Variants in DLG2 observed in about 807,000 individuals in gnomAD.
DLG2 encodes the protein disks large homolog 2.
Under a neutral mutation model 132.5 loss-of-function variants are expected in DLG2, and 45 were observed. The observed-to-expected ratio is 0.34, with a 90% CI of 0.27 to 0.44. DLG2 has a LOEUF of 0.44. Ranked by LOEUF, DLG2 falls within the 20% of genes least tolerant of loss-of-function variation. DLG2 has a pLI of 1.00. For missense variants in DLG2, 1,045 were observed against 1,196.9 expected, an observed-to-expected ratio of 0.87 and a Z score of 1.87; for synonymous variants, 424 against 419.6, an observed-to-expected ratio of 1.01 and a Z score of -0.13.
chr11:85,350,978 G>A (rs1212474863), intron 3 of DLG2, among the ~76,000 whole-genome samples: 1 of 152,130 alleles, frequency 6.6e-6, no homozygotes, highest in Non-Finnish European at 1.5e-5. Flanking sequence ...GGATGGCATT[G>A]AATCTGTAAA....
intron 6 of DLG2, among the ~76,000 whole-genome samples, chr11:84,856,545 A>G (rs2082813722): frequency 6.6e-6 from 1 of 152,112 alleles, no homozygotes; most frequent in Non-Finnish European, 1.5e-5. Flanking sequence ...CCTTGAATAT[A>G]TTCACTTATT....
intron 6 of DLG2, among the ~76,000 whole-genome samples, chr11:84,667,198 C>T (rs140459808): frequency 2.6e-5 from 4 of 152,160 alleles, no homozygotes; most frequent in Admixed American, 6.5e-5. Flanking sequence ...TAACACCATT[C>T]GCACCGGGCA....
chr11:84,829,512 T>A (rs1351235900), intron 6 of DLG2, among the ~76,000 whole-genome samples: 1 of 151,758 alleles, frequency 6.6e-6, no homozygotes, highest in Non-Finnish European at 1.5e-5. Flanking sequence ...TTTACATTAT[T>A]CTTAGATATG....
intron 4 of DLG2, among the ~76,000 whole-genome samples, chr11:85,260,146 G>A (rs911983916): frequency 7.9e-5 from 12 of 152,046 alleles, no homozygotes; most frequent in African/African-American, 2.7e-4. Context: ...TAAAAAGGGG[G>A]ATAAAGATAA....
intron 3 of DLG2, among the ~76,000 whole-genome samples, chr11:85,344,317 A>G (rs1392126294): frequency 1.3e-5 from 2 of 152,162 alleles, no homozygotes; most frequent in East Asian, 3.9e-4. Context: ...AGACTTTCTC[A>G]GGTGACTCAT....
chr11:83,917,306 A>T (rs2077070185), intron 15 of DLG2, among the ~76,000 whole-genome samples: 1 of 152,168 alleles, frequency 6.6e-6, no homozygotes, highest in African/African-American at 2.4e-5. Context: ...TTACAGAGTC[A>T]ATCAGAGTGG....
intron 6 of DLG2, among the ~76,000 whole-genome samples, chr11:85,002,177 C>T (rs1021902178): frequency 6.6e-6 from 1 of 151,972 alleles, no homozygotes; most frequent in Non-Finnish European, 1.5e-5. Flanking sequence ...TTTTCTCAAA[C>T]CCCCAAATAC....
intron 6 of DLG2, among the ~76,000 whole-genome samples, chr11:84,729,520 A>C (rs2062897704): frequency 6.6e-6 from 1 of 152,062 alleles, no homozygotes; most frequent in African/African-American, 2.4e-5. Context: ...TTTTAGAATA[A>C]GTGTAATGAG....
rs76219702 is a variant in DLG2, at chr11:84,044,111, G to A, written c.919+15204C>T. 4.4e-3 allele frequency among the ~76,000 whole-genome samples: 669 copies of A among 151,760 alleles called. 2 individuals carry two copies. Among genetic ancestry groups the A allele is most frequent in the African/African-American group, 0.016 (647 of 41,444 alleles). On this transcript the variant is annotated intron_variant, in intron 11 of 27. Coordinates refer to ENST00000376104, the MANE Select transcript of DLG2 (RefSeq NM_001142699.3). ...ATGAGCTCTGGAGCCAGACACCAGT[G>A]ATTTGTGTCCTGGCTCTGTCATCAT...
intron 3 of DLG2, among the ~76,000 whole-genome samples, chr11:85,466,965 T>C (rs1198649062): frequency 6.6e-6 from 1 of 152,200 alleles, no homozygotes; most frequent in Admixed American, 6.5e-5. Context: ...TTCCATTTGT[T>C]TGTATCCTCT....
intron 13 of DLG2, 54 bp from the exon 14 acceptor site, chr11:83,963,077 T>C: frequency 6.4e-7 from 1 of 1,569,040 alleles, no homozygotes; most frequent in South Asian, 1.1e-5. Context: ...TGATTCAATG[T>C]GTCATGCTAT....
intron 9 of DLG2, among the ~76,000 whole-genome samples, chr11:84,107,278 T>C (rs2093032090): frequency 6.6e-6 from 1 of 151,998 alleles, no homozygotes; most frequent in South Asian, 2.1e-4. Context: ...TCATGTAGTA[T>C]AGCCACAATA....
At chr11:84,864,926 T>C (rs183411048) in intron 6 of DLG2, among the ~76,000 whole-genome samples, 193 of 152,180 alleles carry the variant, frequency 1.3e-3, no homozygotes, top group Non-Finnish European at 2.4e-3. Context: ...TGAAAATTCA[T>C]AGGTGTTGGG....
At chr11:84,278,633 T>C (rs573677234) in intron 7 of DLG2, among the ~76,000 whole-genome samples, 3 of 152,152 alleles carry the variant, frequency 2.0e-5, no homozygotes, top group East Asian at 3.8e-4. Context: ...TAATGCATCA[T>C]GACCAAGTAG....
rs1179633826 is a variant in DLG2 at position 84,198,621 on chromosome 11, C to A, written c.574-35110G>T. ...TGTATTCTTAAGAAAAAATATAAAA[C>A]CATGACAATTATCTACAATTAGTCA... On this transcript the variant is annotated intron_variant, in intron 8 of 27. Coordinates refer to ENST00000376104, the MANE Select transcript of DLG2 (RefSeq NM_001142699.3). Among the ~76,000 whole-genome samples, 4 of 152,036 alleles carry A rather than the reference C, an allele frequency of 2.6e-5. No individual in the cohort carries two copies. In the East Asian group the frequency reaches 7.7e-4, roughly 29 times the overall value.
At chr11:83,655,080 C>T (rs1271777641) in intron 18 of DLG2, among the ~76,000 whole-genome samples, 1 of 152,228 alleles carries the variant, frequency 6.6e-6, no homozygotes, top group Non-Finnish European at 1.5e-5. Flanking sequence ...TGCTCCCACA[C>T]ATCCATCCAG....
At chr11:84,088,851 A>G (rs575558480) in intron 10 of DLG2, among the ~76,000 whole-genome samples, 75 of 152,190 alleles carry the variant, frequency 4.9e-4, no homozygotes, top group Non-Finnish European at 9.4e-4. Context: ...ATACTAGGTA[A>G]TAAAGTCTCC....
At chr11:85,096,580 G>C (rs1330018635) in intron 6 of DLG2, among the ~76,000 whole-genome samples, 1 of 151,866 alleles carries the variant, frequency 6.6e-6, no homozygotes, top group Admixed American at 6.6e-5. Flanking sequence ...GCAAAGGTCT[G>C]TGGCTTCATT....
At chr11:84,540,435 T>G (rs555889758) in intron 6 of DLG2, among the ~76,000 whole-genome samples, 5 of 150,818 alleles carry the variant, frequency 3.3e-5, no homozygotes, top group South Asian at 4.2e-4. Flanking sequence ...AACAGACACA[T>G]GAAAAAATGC....
Sources: allele counts gnomAD v4.1 joint callset (sites outside exome capture counted in the v4.1 genomes callset), GRCh38; gene constraint gnomAD v4.1.1; transcripts MANE v1.5; gene names NCBI Gene and HGNC (gene_info 2026-07-23, HGNC 2026-07-21).